NDST4: variants seen among roughly 807,000 people sequenced by gnomAD.
NDST4 encodes the protein N-deacetylase and N-sulfotransferase 4.
A neutral mutation model predicts 100.8 loss-of-function variants in NDST4; 63 were observed. The ratio of observed to expected loss-of-function variants is 0.62; its 90% confidence interval spans 0.51 to 0.77. NDST4 has a LOEUF of 0.77. Ranked by LOEUF, NDST4 falls within the 30% of genes least tolerant of loss-of-function variation. NDST4 has a pLI of 0.00. For synonymous variants in NDST4, 377 were observed against 361.8 expected, an observed-to-expected ratio of 1.04 and a Z score of -0.48; for missense variants, 943 against 1,018.4, an observed-to-expected ratio of 0.93 and a Z score of 1.01.
chr4:114,937,524 C>T (rs1725656447), intron 4 of NDST4, 21 bp from the exon 5 acceptor site: 1 of 1,524,016 alleles, frequency 6.6e-7, no homozygotes. Flanking sequence ...GCCAGAACAA[C>T]ATCATGATGG....
At chr4:114,910,038 G>A (rs1439399865) in intron 6 of NDST4, among the ~76,000 whole-genome samples, 1 of 152,174 alleles carries the variant, frequency 6.6e-6, no homozygotes, top group Non-Finnish European at 1.5e-5. Context: ...AAACATTTAT[G>A]AGCTAGTTCT....
In NDST4 at chr4:114,842,618, TAAAAAAAAAAAAAAA is replaced by T. The variant is rs71584042; in HGVS notation, c.2116-3085_2116-3071del. 13 of 41,052 alleles carry T rather than the reference TAAAAAAAAAAAAAAA, an allele frequency of 3.2e-4. No individual in the cohort carries two copies. The East Asian group carries it at 4.9e-3, about 15-fold the overall frequency. The allele number at this position is 41,052 out of a possible 1,614,324, so 2.5% of individuals were successfully genotyped here. A position where few individuals can be genotyped will look rare whatever the true frequency, so the allele number is the denominator to read the frequency against. ...AAACACGATGAAAACCAGTCTCTACTAAAAAAAAAAAAAAAAAAAAAAAAAAAAAAAAATTAGCCA... is the reference window on the plus strand; with the variant it reads ...AAACACGATGAAAACCAGTCTCTACTAAAAAAAAAAAAAAAAAATTAGCCA... On this transcript the variant is annotated intron_variant, in intron 10 of 13. Transcript: ENST00000264363.
chr4:115,073,239 T>C (rs148673652), intron 2 of NDST4, among the ~76,000 whole-genome samples: 1,816 of 152,038 alleles, frequency 0.012, 35 homozygotes, highest in African/African-American at 0.042. Flanking sequence ...GTATAGCCAC[T>C]ATGGAAAACA....
At chr4:114,957,775 C>A (rs1357201517) in intron 4 of NDST4, among the ~76,000 whole-genome samples, 1 of 152,084 alleles carries the variant, frequency 6.6e-6, no homozygotes, top group Non-Finnish European at 1.5e-5. Context: ...GAGAAATTGG[C>A]CAAAACAAAG....
chr4:115,002,855 A>G (rs980334125), intron 2 of NDST4, among the ~76,000 whole-genome samples: 1 of 152,190 alleles, frequency 6.6e-6, no homozygotes, highest in Non-Finnish European at 1.5e-5. Context: ...TAGACTGGAT[A>G]AAGAAAATGT....
chr4:115,063,859 A>G (rs1463806956), intron 2 of NDST4, among the ~76,000 whole-genome samples: 1 of 151,746 alleles, frequency 6.6e-6, no homozygotes, highest in South Asian at 2.1e-4. Flanking sequence ...TTACCAAAAT[A>G]CTTCTTAATA....
chr4:115,064,551 T>A (rs1008228270), intron 2 of NDST4, among the ~76,000 whole-genome samples: 4 of 152,036 alleles, frequency 2.6e-5, no homozygotes, highest in African/African-American at 7.2e-5. Flanking sequence ...AAATTCCAGA[T>A]AAATATTGTA....
intron 2 of NDST4, among the ~76,000 whole-genome samples, chr4:115,047,574 C>T (rs560435436): frequency 5.8e-4 from 88 of 152,136 alleles, no homozygotes; most frequent in African/African-American, 2.0e-3. Context: ...ATCTATTTTA[C>T]AAGATGCAAC....
intron 6 of NDST4, among the ~76,000 whole-genome samples, chr4:114,878,005 G>C (rs1196172975): frequency 6.7e-6 from 1 of 150,094 alleles, no homozygotes; most frequent in Non-Finnish European, 1.5e-5. Context: ...AAGAAAGAAA[G>C]GAAGAAGAGA....
intron 2 of NDST4, among the ~76,000 whole-genome samples, chr4:115,046,644 AGAT>A (rs1458058818): frequency 1.1e-4 from 16 of 152,118 alleles, no homozygotes; most frequent in African/African-American, 3.9e-4. Context: ...TGTATCAGAT[AGAT>A]GATAAGATAG....
chr4:115,066,039 T>C (rs571178568), intron 2 of NDST4, among the ~76,000 whole-genome samples: 16 of 152,284 alleles, frequency 1.1e-4, no homozygotes, highest in Admixed American at 1.0e-3. Context: ...AGAGGAATAA[T>C]TACTGTCACC....
intron 2 of NDST4, among the ~76,000 whole-genome samples, chr4:115,054,388 T>G (rs1305680643): frequency 6.6e-6 from 1 of 152,150 alleles, no homozygotes; most frequent in Non-Finnish European, 1.5e-5. Context: ...AGCAGTATTT[T>G]TCAAACTAGA....
chr4:114,923,499 A>G (rs1725328737), intron 6 of NDST4, among the ~76,000 whole-genome samples: 1 of 152,184 alleles, frequency 6.6e-6, no homozygotes, highest in Non-Finnish European at 1.5e-5. Context: ...GTGAAACCTC[A>G]CAAACAAACC....
At chr4:114,946,346 G>T (rs1725862780) in intron 4 of NDST4, among the ~76,000 whole-genome samples, 1 of 152,120 alleles carries the variant, frequency 6.6e-6, no homozygotes, top group African/African-American at 2.4e-5. Flanking sequence ...TGAGTCCAAG[G>T]TCATACAAAA....
rs1159970423 is a variant in NDST4, at chr4:115,008,595, A to G, written c.979-31321T>C. On this transcript the variant is annotated intron_variant, in intron 2 of 13. Coordinates refer to ENST00000264363, the MANE Select transcript of NDST4 (RefSeq NM_022569.3). ...AGCCAATATCATACTGAATGGGCAA[A>G]AACTGGACGCATTCCCTTTGAATGG... Among the ~76,000 whole-genome samples, 5 of 129,044 alleles carry G rather than the reference A, an allele frequency of 3.9e-5. 1 individual carries two copies. The highest frequency in any genetic ancestry group is 1.5e-4 in the African/African-American group (5 of 34,024). The allele number at this position is 129,044 out of a possible 152,430, so 84.7% of individuals were successfully genotyped here. A position where few individuals can be genotyped will look rare whatever the true frequency, so the allele number is the denominator to read the frequency against.
chr4:114,871,468 C>A (rs762478716), intron 6 of NDST4, among the ~76,000 whole-genome samples: 2 of 152,012 alleles, frequency 1.3e-5, no homozygotes, highest in Non-Finnish European at 2.9e-5. Flanking sequence ...ACTCATTAAT[C>A]CTTTTACAAC....
At chr4:114,829,214 C>A (rs1723143501) in intron 13 of NDST4, among the ~76,000 whole-genome samples, 1 of 152,100 alleles carries the variant, frequency 6.6e-6, no homozygotes, top group Admixed American at 6.6e-5. Context: ...GCCTGTTCTA[C>A]CAGATAAGAC....
intron 5 of NDST4, 118 bp from the exon 6 acceptor site, chr4:114,935,452 A>C: frequency 1.1e-6 from 1 of 929,734 alleles, no homozygotes; most frequent in Non-Finnish European, 1.5e-6. Flanking sequence ...TTGGTTGCTA[A>C]GGCCAAATCT....
intron 2 of NDST4, among the ~76,000 whole-genome samples, chr4:115,015,796 A>T (rs552500491): frequency 6.6e-6 from 1 of 152,122 alleles, no homozygotes; most frequent in South Asian, 2.1e-4. Context: ...GCTCAGCAAT[A>T]TGGACTCCTA....
Sources: allele counts gnomAD v4.1 joint callset (sites outside exome capture counted in the v4.1 genomes callset), GRCh38; gene constraint gnomAD v4.1.1; transcripts MANE v1.5; gene names NCBI Gene and HGNC (gene_info 2026-07-23, HGNC 2026-07-21).